SMG6: variants seen among roughly 807,000 people sequenced by gnomAD.
SMG6 encodes the protein SMG6 nonsense mediated mRNA decay factor, also known as telomerase-binding protein EST1A.
A neutral mutation model predicts 142.2 loss-of-function variants in SMG6; 66 were observed. The observed-to-expected ratio is 0.46, with a 90% CI of 0.38 to 0.57. SMG6 has a LOEUF of 0.57. Among genes scored for constraint, SMG6 ranks in the 20% least tolerant of loss-of-function variants. The pLI is 0.00. For missense variants in SMG6, 1,793 were observed against 1,832.0 expected (o/e 0.98, Z 0.39); for synonymous variants, 779 against 702.4 (o/e 1.11, Z -1.72).
Position 2,165,106 on chromosome 17 carries a change from T to C in SMG6, c.3357+7552A>G, listed in dbSNP as rs575923843. Among the ~76,000 whole-genome samples, 15 of 152,292 alleles carry C rather than the reference T, an allele frequency of 9.8e-5. No homozygotes were observed. In the East Asian group the frequency reaches 1.5e-3, roughly 16 times the overall value. On this transcript the variant is annotated intron_variant, in intron 13 of 18. Transcript: ENST00000263073. ...TCATGAGGTAGACACAGACCACCAC[T>C]TGGAAGCTTTCTCACTGCTACGAAT...
At chr17:2,105,510 T>A (rs1441065978) in intron 13 of SMG6, among the ~76,000 whole-genome samples, 1 of 152,046 alleles carries the variant, frequency 6.6e-6, no homozygotes, top group African/African-American at 2.4e-5. Context: ...GCCACTGCAC[T>A]CCAGCCTGAG....
chr17:2,179,731 T>C (rs1325503847), intron 12 of SMG6, among the ~76,000 whole-genome samples: 2 of 152,222 alleles, frequency 1.3e-5, no homozygotes, highest in South Asian at 2.1e-4. Context: ...TTTCCCATTA[T>C]GTAACCCTGG....
At chr17:2,286,964 C>T (rs2074920850) in intron 6 of SMG6, among the ~76,000 whole-genome samples, 1 of 137,304 alleles carries the variant, frequency 7.3e-6, no homozygotes, top group African/African-American at 2.8e-5. Flanking sequence ...CAGAGTCTCG[C>T]TCTGTCGCTC....
chr17:2,260,727 G>C (rs1449963066), intron 8 of SMG6, among the ~76,000 whole-genome samples: 1 of 152,186 alleles, frequency 6.6e-6, no homozygotes, highest in South Asian at 2.1e-4. Flanking sequence ...GGGCGCAGTG[G>C]CTCATGCCTG....
rs144027262 is a variant in SMG6, at chr17:2,071,461, G to A, written c.3682-2530C>T. On this transcript the variant is annotated intron_variant, in intron 15 of 18. Coordinates refer to ENST00000263073, the MANE Select transcript of SMG6 (RefSeq NM_017575.5). This position sits in a 1 kb window ranked among gnomAD's most constrained non-coding sequence, Gnocchi z 5.6. ...GGTCCAGAGACGCTCTAAATTCCCCGGGTTCTTAGCTCTGGCTTGCAGCTA... is the reference window on the plus strand; with the variant it reads ...GGTCCAGAGACGCTCTAAATTCCCCAGGTTCTTAGCTCTGGCTTGCAGCTA... Among the ~76,000 whole-genome samples the A allele has an allele frequency of 3.9e-5, 6 of 152,306 alleles. No homozygotes were observed. Among genetic ancestry groups the A allele is most frequent in the Admixed American group, 1.3e-4 (2 of 15,302 alleles).
intron 8 of SMG6, among the ~76,000 whole-genome samples, chr17:2,247,096 AG>A (rs1464679495): frequency 6.6e-6 from 1 of 152,232 alleles, no homozygotes; most frequent in Non-Finnish European, 1.5e-5. Context: ...GAAGATGGTG[AG>A]AAACAGGGAC....
rs2068546069 is a variant in SMG6 at position 2,085,818 on chromosome 17, T to G, written c.3441A>C (p.Ala1147=). The change falls in exon 14 of 19, where the codon GCA becomes GCC. Residue 1147 remains alanine (A), a synonymous_variant. Transcript: ENST00000263073. The surrounding 1 kb of genome is among the most constrained non-coding windows in gnomAD (Gnocchi z 4.1). The stretch of plus-strand genomic sequence containing the variant: ...CTGACACATACTTTCCACCCTTGAA[T>G]GCCAGCAGAGGCTCTTCTTGTCCAC... ...ALCGQEEPLL[A]FKGGKYVSVA... The G allele has an allele frequency of 6.2e-7, 1 of 1,614,082 alleles. No individual in the cohort carries two copies. The highest frequency in any genetic ancestry group is 1.1e-5 in the South Asian group (1 of 91,092).
At chr17:2,106,382 G>A (rs188116307) in intron 13 of SMG6, among the ~76,000 whole-genome samples, 1 of 152,186 alleles carries the variant, frequency 6.6e-6, no homozygotes, top group Non-Finnish European at 1.5e-5. Flanking sequence ...AATAAAGGAA[G>A]GGAGGGGGGT....
At chr17:2,169,540 A>T (rs2071441268) in intron 13 of SMG6, among the ~76,000 whole-genome samples, 1 of 152,206 alleles carries the variant, frequency 6.6e-6, no homozygotes, top group African/African-American at 2.4e-5. Flanking sequence ...AGGGAGTGCG[A>T]GAGGCACACA....
intron 13 of SMG6, among the ~76,000 whole-genome samples, chr17:2,114,030 G>C (rs1157194222): frequency 6.6e-6 from 1 of 152,152 alleles, no homozygotes; most frequent in East Asian, 1.9e-4. Flanking sequence ...CAGTTTGGGA[G>C]GCCGAGGCAG....
At chr17:2,177,172 G>A (rs1468992626) in intron 12 of SMG6, among the ~76,000 whole-genome samples, 2 of 152,196 alleles carry the variant, frequency 1.3e-5, no homozygotes, top group Non-Finnish European at 2.9e-5. Context: ...TGCTCTCAGA[G>A]GGGCCATGGG....
At chr17:2,277,072 C>T (rs1219997797) in intron 8 of SMG6, among the ~76,000 whole-genome samples, 9 of 152,008 alleles carry the variant, frequency 5.9e-5, no homozygotes, top group African/African-American at 7.3e-5. Context: ...TGAGCCACTG[C>T]GCCCGGCCTA....
intron 12 of SMG6, among the ~76,000 whole-genome samples, chr17:2,183,890 C>T (rs190798246): frequency 5.3e-5 from 8 of 152,188 alleles, no homozygotes; most frequent in Admixed American, 4.6e-4. Context: ...AAAGGCAAGG[C>T]AGGCAGATAC....
intron 10 of SMG6, among the ~76,000 whole-genome samples, chr17:2,220,040 T>G (rs1359906295): frequency 6.6e-6 from 1 of 152,060 alleles, no homozygotes; most frequent in Non-Finnish European, 1.5e-5. Flanking sequence ...TCCCGTATAA[T>G]TTTCCCAAGT....
intron 15 of SMG6, among the ~76,000 whole-genome samples, chr17:2,081,529 T>C (rs1427249477): frequency 6.6e-6 from 1 of 152,138 alleles, no homozygotes; most frequent in Non-Finnish European, 1.5e-5. Context: ...AGATCATGTA[T>C]GTGTGGTGTG....
In SMG6 at chr17:2,076,795, C is replaced by T. The variant is rs1040722784; in HGVS notation, c.3681+5015G>A. On this transcript the variant is annotated intron_variant, in intron 15 of 18. Transcript: ENST00000263073. Reference sequence around the variant, plus strand: ...GGCTGACAGGAGGCAGGGCCGCCAGCTTGGTGCATGTGGGGCCTGTTCTTA... The same window carrying T: ...GGCTGACAGGAGGCAGGGCCGCCAGTTTGGTGCATGTGGGGCCTGTTCTTA... Among the ~76,000 whole-genome samples the T allele has an allele frequency of 3.3e-4, 50 of 152,352 alleles. 1 individual carries two copies. Among genetic ancestry groups the T allele is most frequent in the Non-Finnish European group, 5.9e-5 (4 of 68,026 alleles).
intron 10 of SMG6, among the ~76,000 whole-genome samples, chr17:2,200,314 C>T (rs1480205808): frequency 6.6e-6 from 1 of 151,952 alleles, no homozygotes; most frequent in Admixed American, 6.6e-5. Context: ...AGGGATTCAA[C>T]CTGCATATAC....
intron 8 of SMG6, among the ~76,000 whole-genome samples, chr17:2,275,150 G>A (rs1321537626): frequency 1.3e-5 from 2 of 152,150 alleles, no homozygotes; most frequent in African/African-American, 2.4e-5. Flanking sequence ...AGCCGGGCAT[G>A]GTGGCTGACG....
intron 13 of SMG6, among the ~76,000 whole-genome samples, chr17:2,134,881 AATTTAT>A (rs754889624): frequency 8.5e-5 from 7 of 82,498 alleles, no homozygotes; most frequent in African/African-American, 3.3e-4. Context: ...GTTTTATTTT[AATTTAT>A]TTTTTTTTTT....
Sources: gnomAD v4.1 joint callset for allele counts (sites outside exome capture counted in the v4.1 genomes callset) on GRCh38, gnomAD v4.1.1 for gene constraint, Gnocchi (gnomAD v3.1) non-coding constraint, MANE v1.5 for transcripts, NCBI Gene and HGNC (gene_info 2026-07-23, HGNC 2026-07-21) for gene names.